DERA: variants seen among roughly 807,000 people sequenced by gnomAD.
DERA encodes 2-deoxy-D-ribose 5-phosphate aldolase.
In DERA, 15 loss-of-function variants were observed where a neutral mutation model predicts 41.1. The ratio of observed to expected loss-of-function variants is 0.37; its 90% CI spans 0.24 to 0.56. The LOEUF (loss-of-function observed/expected upper bound fraction) is 0.56. DERA is among the 20% of genes least tolerant of loss of function. DERA has a pLI of 0.81. For synonymous variants in DERA, 139 were observed against 137.4 expected (o/e 1.01, Z -0.08); for missense variants, 396 against 403.4 (o/e 0.98, Z 0.16).
chr12:15,986,111 C>G (rs1265234958), intron 6 of DERA, among the ~76,000 whole-genome samples: 1 of 152,124 alleles, frequency 6.6e-6, no homozygotes, highest in Non-Finnish European at 1.5e-5. Context: ...CTTTTTATCT[C>G]TGATACTAGT....
chr12:15,940,649 C>T lies in DERA; in HGVS notation c.32-16287C>T, dbSNP rs1948402376. ...TACAGGCGTGAGCCACCGCATCCGG[C>T]CTGCTTTACTTCTTACACATTCACT... On this transcript the variant is annotated intron_variant, in intron 1 of 8. Transcript: ENST00000428559. This position sits in a 1 kb window ranked among gnomAD's most constrained non-coding sequence, Gnocchi z 5.1. Among the ~76,000 whole-genome samples the T allele has an allele frequency of 6.6e-6, 1 of 152,182 alleles. No homozygotes were observed. The highest frequency in any genetic ancestry group is 1.5e-5 in the Non-Finnish European group (1 of 68,030).
rs1190755183 is a variant in DERA at position 15,990,408 on chromosome 12, A to G, written c.637+7972A>G. On this transcript the variant is annotated intron_variant, in intron 6 of 8. Transcript: ENST00000428559. The surrounding 1 kb of genome is among the most constrained non-coding windows in gnomAD (Gnocchi z 4.3). The stretch of plus-strand genomic sequence containing the variant: ...GTCTAGTTAATGATATGTTTGTGGT[A>G]CGCTACTTTCCATGTTCTTTTTTGT... Among the ~76,000 whole-genome samples the G allele has an allele frequency of 6.6e-6, 1 of 152,184 alleles. No individual in the cohort carries two copies. Among genetic ancestry groups the G allele is most frequent in the Admixed American group, 6.5e-5 (1 of 15,280 alleles).
In DERA at chr12:15,931,172, A is replaced by G. The variant is rs1948324826; in HGVS notation, c.31+19758A>G. ...ATGCAAGTATTCTTGCAGTCACTCT[A>G]ACTTGCGTGACTAGCACAACATCCA... On this transcript the variant is annotated intron_variant, in intron 1 of 8. Transcript: ENST00000428559. The surrounding 1 kb of genome is among the most constrained non-coding windows in gnomAD (Gnocchi z 4.6). Among the ~76,000 whole-genome samples, 1 of 152,200 alleles carries G rather than the reference A, an allele frequency of 6.6e-6. No individual in the cohort carries two copies. The highest frequency in any genetic ancestry group is 2.4e-5 in the African/African-American group (1 of 41,440).
At chr12:15,956,460 G>A in intron 1 of DERA, 2 of 265,256 alleles carry the variant, frequency 7.5e-6, no homozygotes, top group Non-Finnish European at 1.5e-5. Context: ...TCAGCATGCA[G>A]TAGGTATTAA....
At chr12:15,939,350 A>G (rs1159761815) in intron 1 of DERA, among the ~76,000 whole-genome samples, 1 of 152,196 alleles carries the variant, frequency 6.6e-6, no homozygotes, top group East Asian at 1.9e-4. Context: ...TGTCAGGAGA[A>G]ATAGAATGAC....
chr12:15,934,728 A>G (rs1948353106), intron 1 of DERA, among the ~76,000 whole-genome samples: 1 of 152,210 alleles, frequency 6.6e-6, no homozygotes, highest in Admixed American at 6.5e-5. Context: ...TACATTTCTC[A>G]AACAACTTTT....
rs752135288 is a variant in DERA at position 15,943,620 on chromosome 12, A to G, written c.32-13316A>G. On this transcript the variant is annotated intron_variant, in intron 1 of 8. Coordinates refer to ENST00000428559, the MANE Select transcript of DERA (RefSeq NM_015954.4). This position sits in a 1 kb window ranked among gnomAD's most constrained non-coding sequence, Gnocchi z 4.5. ...CACAGTACACACGGGTTTGAAACAGAACTTCCACGAATGATCCTACCTGTA... is the reference window on the plus strand; with the variant it reads ...CACAGTACACACGGGTTTGAAACAGGACTTCCACGAATGATCCTACCTGTA... Among the ~76,000 whole-genome samples the G allele has an allele frequency of 6.6e-6, 1 of 152,060 alleles. No homozygotes were observed. The highest frequency in any genetic ancestry group is 1.5e-5 in the Non-Finnish European group (1 of 68,002).
At position 15,936,916 on chromosome 12, in the gene DERA, CTGT is replaced by C. The variant is rs1565588692; in HGVS notation, c.32-20019_32-20017del. On this transcript the variant is annotated intron_variant, in intron 1 of 8. Transcript: ENST00000428559. This position sits in a 1 kb window ranked among gnomAD's most constrained non-coding sequence, Gnocchi z 4.6. ...CTGTCCTGTCCTGTCCTGTCCTGTC[CTGT>C]CCTGTCCTGTCCTGTCTTGTCCTGT... Among the ~76,000 whole-genome samples the C allele has an allele frequency of 0.012, 1,718 of 140,692 alleles. 38 individuals are homozygous for C. Among genetic ancestry groups the C allele is most frequent in the African/African-American group, 0.044 (1,586 of 36,198 alleles). The allele number at this position is 140,692 out of a possible 152,430, so 92.3% of individuals were successfully genotyped here. A position where few individuals can be genotyped will look rare whatever the true frequency, so the allele number is the denominator to read the frequency against.
intron 5 of DERA, among the ~76,000 whole-genome samples, chr12:15,969,087 A>T (rs930539799): frequency 4.6e-5 from 7 of 152,234 alleles, no homozygotes; most frequent in African/African-American, 1.7e-4. Context: ...TCCCATGATT[A>T]GTACATGTAA....
chr12:15,936,926 CTGTCCTGTCT>C lies in DERA; in HGVS notation c.32-20000_32-19991del, dbSNP rs1279733345. ...CTGTCCTGTCCTGTCCTGTCCTGTC[CTGTCCTGTCT>C]TGTCCTGTCCCGTCCTGTCCTGCCC... On this transcript the variant is annotated intron_variant, in intron 1 of 8. Transcript: ENST00000428559. The surrounding 1 kb of genome is among the most constrained non-coding windows in gnomAD (Gnocchi z 4.6). Among the ~76,000 whole-genome samples the C allele has an allele frequency of 2.0e-4, 27 of 137,778 alleles. No individual in the cohort carries two copies. Among genetic ancestry groups the C allele is most frequent in the African/African-American group, 7.4e-4 (25 of 33,764 alleles). The allele number at this position is 137,778 out of a possible 152,430, so 90.4% of individuals were successfully genotyped here.
chr12:15,925,708 G>A (rs978402518), intron 1 of DERA, among the ~76,000 whole-genome samples: 1 of 151,990 alleles, frequency 6.6e-6, no homozygotes, highest in African/African-American at 2.4e-5. Context: ...TTTAGTCCCT[G>A]TGGGAGGTGC....
chr12:15,946,072 T>C (rs1948445796), intron 1 of DERA, among the ~76,000 whole-genome samples: 1 of 152,210 alleles, frequency 6.6e-6, no homozygotes, highest in African/African-American at 2.4e-5. Context: ...ATCCCAGGGA[T>C]GAAGCCCACT....
Position 15,913,940 on chromosome 12 carries a change from A to T in DERA, c.31+2526A>T, listed in dbSNP as rs559959053. 6.6e-6 allele frequency among the ~76,000 whole-genome samples: 1 copy of T among 152,348 alleles called. No individual in the cohort carries two copies. Among genetic ancestry groups the T allele is most frequent in the South Asian group, 2.1e-4 (1 of 4,828 alleles). ...TAGACTATTATGCCCTATATAGTCT[A>T]TTAAAATGTACAGATATTCTTCTAT... On this transcript the variant is annotated intron_variant, in intron 1 of 8. Coordinates refer to ENST00000428559, the MANE Select transcript of DERA (RefSeq NM_015954.4). This position sits in a 1 kb window ranked among gnomAD's most constrained non-coding sequence, Gnocchi z 4.5.
chr12:15,930,706 G>A (rs1338181314), intron 1 of DERA, among the ~76,000 whole-genome samples: 3 of 152,046 alleles, frequency 2.0e-5, no homozygotes, highest in Non-Finnish European at 4.4e-5. Flanking sequence ...TAAAAAATTA[G>A]GCATCAGGAA....
At chr12:16,032,504 C>A in intron 6 of DERA, 38 bp from the exon 7 acceptor site, 3 of 1,172,304 alleles carry the variant, frequency 2.6e-6, no homozygotes, top group Admixed American at 3.5e-5. Flanking sequence ...AAAAAAGAAT[C>A]TTTAATTAAC....
intron 7 of DERA, chr12:16,032,900 T>C: frequency 2.6e-6 from 1 of 385,590 alleles, no homozygotes; most frequent in South Asian, 3.3e-5. Flanking sequence ...CTTTATGTCC[T>C]TTTGTTAACC....
In DERA at chr12:15,928,859, C is replaced by G. The variant is rs1948306525; in HGVS notation, c.31+17445C>G. On this transcript the variant is annotated intron_variant, in intron 1 of 8. Coordinates refer to ENST00000428559, the MANE Select transcript of DERA (RefSeq NM_015954.4). This position sits in a 1 kb window ranked among gnomAD's most constrained non-coding sequence, Gnocchi z 4.6. ...GGTTGTGGGGAGCCTTTTGGGTGTC[C>G]CTGAAATCTTGCCATTTTGACTTCT... Among the ~76,000 whole-genome samples the G allele has an allele frequency of 6.6e-6, 1 of 152,076 alleles. No homozygotes were observed. Among genetic ancestry groups the G allele is most frequent in the Non-Finnish European group, 1.5e-5 (1 of 68,018 alleles).
chr12:15,979,362 T>C (rs935548862), intron 5 of DERA, among the ~76,000 whole-genome samples: 1 of 152,232 alleles, frequency 6.6e-6, no homozygotes, highest in Non-Finnish European at 1.5e-5. Context: ...CCTGGGACAC[T>C]GGACTTTTGG....
intron 1 of DERA, among the ~76,000 whole-genome samples, chr12:15,927,544 G>A (rs1948296108): frequency 6.6e-6 from 1 of 152,126 alleles, no homozygotes; most frequent in Non-Finnish European, 1.5e-5. Flanking sequence ...GGCATCAGGA[G>A]TAATATGAAC....
Sources: gnomAD v4.1 joint callset for allele counts (sites outside exome capture counted in the v4.1 genomes callset) on GRCh38, gnomAD v4.1.1 for gene constraint, Gnocchi (gnomAD v3.1) non-coding constraint, MANE v1.5 for transcripts, NCBI Gene and HGNC (gene_info 2026-07-23, HGNC 2026-07-21) for gene names.